Variants in ARHGEF6 observed in about 807,000 individuals in gnomAD.
ARHGEF6 encodes rho guanine nucleotide exchange factor 6.
A neutral mutation model predicts 70.3 loss-of-function variants in ARHGEF6; 9 were observed. The ratio of observed to expected loss-of-function variants is 0.13; its 90% CI spans 0.08 to 0.22. The LOEUF (loss-of-function observed/expected upper bound fraction) is 0.22, where lower values mean the gene tolerates loss of function less well. ARHGEF6 is among the 10% of genes least tolerant of loss of function. The pLI, the probability that ARHGEF6 is intolerant of heterozygous loss-of-function variation, is 1.00. For missense variants in ARHGEF6, 470 were observed against 563.0 expected, an observed-to-expected ratio of 0.83 and a Z score of 1.67; for synonymous variants, 201 against 207.8, an observed-to-expected ratio of 0.97 and a Z score of 0.28.
intron 2 of ARHGEF6, among the ~76,000 whole-genome samples, chrX:136,764,623 G>C (rs999924934): frequency 6.3e-5 from 7 of 111,109 alleles, no homozygotes; most frequent in Admixed American, 1.9e-4. Context: ...CATGATAGTA[G>C]TGCCCCTTGG....
At chrX:136,711,552 T>C (rs1174780968) in intron 7 of ARHGEF6, among the ~76,000 whole-genome samples, 1 of 111,775 alleles carries the variant, frequency 8.9e-6, no homozygotes, top group Non-Finnish European at 1.9e-5. Flanking sequence ...AAATACTTTG[T>C]TTTTTGTTTT....
chrX:136,747,682 CGGAAA>C (rs1369012127), intron 2 of ARHGEF6, 90 bp from the exon 3 acceptor site: 75 of 187,497 alleles, frequency 4.0e-4, no homozygotes, highest in Admixed American at 5.9e-4. Flanking sequence ...TCCAGCTCTC[CGGAAA>C]AAAAAAAAAA....
chrX:136,709,034 T>G lies in ARHGEF6; in HGVS notation c.828-264A>C, dbSNP rs371292360. Among the ~76,000 whole-genome samples, 45 of 112,027 alleles carry G rather than the reference T, an allele frequency of 4.0e-4. 1 individual carries two copies. In the South Asian group the frequency reaches 8.9e-3, roughly 22 times the overall value. On this transcript the variant is annotated intron_variant, in intron 7 of 21. Coordinates refer to ENST00000250617, the MANE Select transcript of ARHGEF6 (RefSeq NM_004840.3). ...AAAGCAACAGGTAAATTAAAACAAG[T>G]GCTTAATACTGAAGTATACAAATAG... is the stretch of plus-strand genomic sequence containing the variant.
At chrX:136,670,058 A>G (rs754370441) in intron 20 of ARHGEF6, among the ~76,000 whole-genome samples, 42 of 111,808 alleles carry the variant, frequency 3.8e-4, no homozygotes, top group Non-Finnish European at 4.3e-4. Flanking sequence ...CTCCCTCGGT[A>G]TCCATGGGGT....
intron 5 of ARHGEF6, among the ~76,000 whole-genome samples, chrX:136,741,539 G>T (rs553695722): frequency 0.017 from 1,563 of 92,111 alleles, 14 homozygotes; most frequent in Middle Eastern, 0.043. Flanking sequence ...TTTTTTTTTT[G>T]TGTGTGTGTG....
intron 5 of ARHGEF6, among the ~76,000 whole-genome samples, chrX:136,742,571 G>A (rs974546919): frequency 1.8e-5 from 2 of 111,765 alleles, no homozygotes; most frequent in Non-Finnish European, 3.8e-5. Flanking sequence ...TGTATTGTGA[G>A]GGACATATTC....
Position 136,713,283 on chromosome X carries a change from T to G in ARHGEF6, c.820A>C (p.Asn274His). 1 of 1,195,220 alleles carries G rather than the reference T, an allele frequency of 8.4e-7. No individual in the cohort carries two copies. Among genetic ancestry groups the G allele is most frequent in the Admixed American group, 2.2e-5 (1 of 46,021 alleles). Residue 274 changes from asparagine (N) to histidine (H), a missense_variant, in exon 7 of 22, where the codon AAT (asparagine) becomes CAT (histidine). By Grantham distance (68) the Asn-to-His change is moderately conservative. Transcript: ENST00000250617. Reference sequence around the variant, plus strand: ...TTAAAATAAACATCTTACTTGTTATTGGACTGCAGGGGTCTTAAGTAAGTA... The same window carrying G: ...TTAAAATAAACATCTTACTTGTTATGGGACTGCAGGGGTCTTAAGTAAGTA... ...LVTYLRPLQS[N>H]NNLSTVEVTS...
intron 6 of ARHGEF6, among the ~76,000 whole-genome samples, chrX:136,720,489 G>C (rs1184888948): frequency 9.7e-6 from 1 of 103,586 alleles, no homozygotes; most frequent in Non-Finnish European, 2.0e-5. Flanking sequence ...TTCTCAACTT[G>C]ATAAAGAACA....
chrX:136,752,812 C>G (rs2077166814), intron 2 of ARHGEF6, among the ~76,000 whole-genome samples: 1 of 112,430 alleles, frequency 8.9e-6, no homozygotes, highest in Admixed American at 9.4e-5. Context: ...CATTCCAGCT[C>G]TTCCTTGTTC....
chrX:136,701,639 T>C (rs1435793114), intron 9 of ARHGEF6, among the ~76,000 whole-genome samples: 1 of 109,672 alleles, frequency 9.1e-6, no homozygotes, highest in Non-Finnish European at 1.9e-5. Flanking sequence ...CAAACAAAAC[T>C]TGGATACATG....
At chrX:136,668,524 C>CTTATTATTATTA (rs1483563492) in intron 21 of ARHGEF6, among the ~76,000 whole-genome samples, 1 of 99,790 alleles carries the variant, frequency 1.0e-5, no homozygotes, top group African/African-American at 4.1e-5. Flanking sequence ...TCTTCTTCTT[C>CTTATTATTATTA]TTCTTCTTCT....
chrX:136,739,630 A>G (rs1204723713), intron 5 of ARHGEF6, among the ~76,000 whole-genome samples: 1 of 112,472 alleles, frequency 8.9e-6, no homozygotes, highest in African/African-American at 3.2e-5. Context: ...TTAGACGGGG[A>G]AAAATAATAA....
intron 6 of ARHGEF6, among the ~76,000 whole-genome samples, chrX:136,727,395 T>TTCTTTCTTTCTTTCTC (rs1491576833): frequency 1.5e-4 from 8 of 53,609 alleles, no homozygotes; most frequent in Non-Finnish European, 2.1e-4. Context: ...CTTTCTTTCT[T>TTCTTTCTTTCTTTCTC]TCTCTCTCTC....
chrX:136,680,939 A>G (rs2076327734), intron 14 of ARHGEF6, 63 bp from the exon 15 acceptor site: 2 of 1,155,456 alleles, frequency 1.7e-6, no homozygotes, highest in Admixed American at 2.2e-5. Context: ...AGCTTGTCCC[A>G]TTCATAAATA....
chrX:136,745,199 C>T (rs1416597856), intron 4 of ARHGEF6, 24 bp downstream of exon 4: 9 of 1,208,684 alleles, frequency 7.4e-6, no homozygotes, highest in Admixed American at 4.4e-5. Flanking sequence ...TTAAAACAGA[C>T]GGAGAATTGG....
chrX:136,758,028 A>ATT (rs1569421949), intron 2 of ARHGEF6, among the ~76,000 whole-genome samples: 24 of 29,714 alleles, frequency 8.1e-4, no homozygotes, highest in African/African-American at 1.1e-3. Flanking sequence ...CTAAAAATAA[A>ATT]TTCTTTTTTT....
rs767066725 is a variant in ARHGEF6 at position 136,706,954 on chromosome X, A to T, written c.1000T>A (p.Tyr334Asn). The change falls in exon 9 of 22, where the codon TAC becomes AAC. Residue 334 changes from tyrosine to asparagine, a missense_variant. By Grantham distance (143) the Tyr-to-Asn change is moderately radical (BLOSUM62 -2). Transcript: ENST00000250617. ...ACAGCTGAAGGATGGTTTGCACAGT[A>T]AGCCAGATACATAGATTTAAAATGA... ...MPHFKSMYLA[Y>N]CANHPSAVNV... is the part of the protein sequence containing the mutation. 1.7e-6 allele frequency: 2 copies of T among 1,209,905 alleles called. No individual in the cohort carries two copies. The highest frequency in any genetic ancestry group is 2.2e-6 in the Non-Finnish European group (2 of 894,833).
At chrX:136,764,924 G>A (rs776130327) in intron 2 of ARHGEF6, among the ~76,000 whole-genome samples, 5 of 112,193 alleles carry the variant, frequency 4.5e-5, no homozygotes, top group African/African-American at 6.5e-5. Flanking sequence ...TGACTCCAAT[G>A]TACAGCCATG....
chrX:136,728,242 T>C (rs776125270), intron 6 of ARHGEF6, among the ~76,000 whole-genome samples: 1 of 111,435 alleles, frequency 9.0e-6, no homozygotes, highest in South Asian at 3.8e-4. Context: ...TGGACTGCCA[T>C]GTCCCTCAAG....
Sources: gnomAD v4.1 joint callset for allele counts (sites outside exome capture counted in the v4.1 genomes callset) on GRCh38, gnomAD v4.1.1 for gene constraint, MANE v1.5 for transcripts, NCBI Gene and HGNC (gene_info 2026-07-23, HGNC 2026-07-21) for gene names.